Variants in NALCN observed in about 807,000 individuals in gnomAD.
The protein encoded by NALCN is sodium leak channel NALCN.
NALCN carries 111 observed loss-of-function variants against 225.3 expected under a neutral mutation model. That is an observed-to-expected ratio of 0.49 (90% CI 0.42 to 0.58). The LOEUF is 0.58. NALCN is among the 20% of genes least tolerant of loss of function. The pLI is 0.00. For synonymous variants in NALCN, 764 were observed against 769.0 expected (o/e 0.99, Z 0.11); for missense variants, 1,378 against 2,202.4 (o/e 0.63, Z 7.49).
At chr13:101,324,892 G>C (rs1173380741) in intron 7 of NALCN, among the ~76,000 whole-genome samples, 1 of 152,156 alleles carries the variant, frequency 6.6e-6, no homozygotes, top group Non-Finnish European at 1.5e-5. Context: ...TGCCCATTCA[G>C]TATGATATTG....
chr13:101,383,406 GAA>G (rs574510299), intron 3 of NALCN, among the ~76,000 whole-genome samples: 2 of 144,266 alleles, frequency 1.4e-5, no homozygotes, highest in Admixed American at 1.4e-4. Flanking sequence ...AGTTACATTA[GAA>G]AAAAAAAAAG....
intron 3 of NALCN, among the ~76,000 whole-genome samples, chr13:101,384,524 C>T (rs1260082983): frequency 5.9e-5 from 9 of 152,094 alleles, no homozygotes; most frequent in Admixed American, 5.9e-4. Flanking sequence ...TTCATGAGAA[C>T]AGGATTTATT....
chr13:101,095,744 G>A, intron 27 of NALCN, 64 bp from the exon 28 acceptor site: 1 of 1,333,938 alleles, frequency 7.5e-7, no homozygotes, highest in South Asian at 1.3e-5. Flanking sequence ...AAAAGATAAA[G>A]GATAGGAAAC....
At chr13:101,260,184 T>C (rs1239545675) in intron 10 of NALCN, among the ~76,000 whole-genome samples, 1 of 152,210 alleles carries the variant, frequency 6.6e-6, no homozygotes, top group African/African-American at 2.4e-5. Flanking sequence ...GTTCCATCCA[T>C]GTTGTTACAA....
At chr13:101,392,623 A>G (rs1566646110) in intron 3 of NALCN, among the ~76,000 whole-genome samples, 1 of 152,184 alleles carries the variant, frequency 6.6e-6, no homozygotes, top group Non-Finnish European at 1.5e-5. Context: ...TACCTCTACT[A>G]GTATTTAAAA....
chr13:101,172,565 G>T (rs1275246252), intron 15 of NALCN, among the ~76,000 whole-genome samples: 1 of 151,886 alleles, frequency 6.6e-6, no homozygotes, highest in African/African-American at 2.4e-5. Flanking sequence ...CCCATTTATT[G>T]TTATTATTAT....
chr13:101,139,512 A>G (rs2036963325), intron 17 of NALCN, among the ~76,000 whole-genome samples: 1 of 152,090 alleles, frequency 6.6e-6, no homozygotes, highest in South Asian at 2.1e-4. Context: ...TATGAGAATC[A>G]CCGATAAACC....
At chr13:101,204,769 A>G (rs966092277) in intron 13 of NALCN, among the ~76,000 whole-genome samples, 1 of 152,158 alleles carries the variant, frequency 6.6e-6, no homozygotes, top group Non-Finnish European at 1.5e-5. Context: ...ACCATAAATG[A>G]CAGCTGGACA....
chr13:101,058,437 T>TG, intron 42 of NALCN: 9 of 152,398 alleles, frequency 5.9e-5, no homozygotes, highest in South Asian at 3.5e-4. Flanking sequence ...CAGTCTACTG[T>TG]CACCAGCCTG....
chr13:101,354,122 T>C (rs1280955757), intron 6 of NALCN, among the ~76,000 whole-genome samples: 3 of 152,152 alleles, frequency 2.0e-5, no homozygotes, highest in Admixed American at 2.0e-4. Context: ...GGCGGGCGGA[T>C]CACCTAAGGT....
In NALCN at chr13:101,142,745, G is replaced by A. The variant is rs188195463; in HGVS notation, c.2118+335C>T. On this transcript the variant is annotated intron_variant, in intron 17 of 43. Coordinates refer to ENST00000251127, the MANE Select transcript of NALCN (RefSeq NM_052867.4). ...TAAGTAGACATAAGCAGTTGTACTT[G>A]CAGGAGATGGCAGGTCATTACACCT... is the stretch of plus-strand genomic sequence containing the variant. The A allele has an allele frequency of 9.0e-4, 289 of 319,380 alleles. 1 individual carries two copies. Among genetic ancestry groups the A allele is most frequent in the Non-Finnish European group, 1.0e-3 (171 of 164,386 alleles). 19.8% of individuals were successfully genotyped at this position (319,380 alleles called of 1,614,324 possible).
intron 12 of NALCN, among the ~76,000 whole-genome samples, chr13:101,230,761 T>C (rs2041312093): frequency 6.6e-6 from 1 of 152,186 alleles, no homozygotes; most frequent in South Asian, 2.1e-4. Context: ...AATAAACTTC[T>C]GTCTTATGTA....
chr13:101,320,133 T>C (rs2044694383), intron 7 of NALCN, among the ~76,000 whole-genome samples: 1 of 152,198 alleles, frequency 6.6e-6, no homozygotes, highest in South Asian at 2.1e-4. Flanking sequence ...TCATGATTAT[T>C]TAGTGTACTA....
chr13:101,109,378 C>G (rs1034283096), intron 20 of NALCN, among the ~76,000 whole-genome samples: 1 of 152,146 alleles, frequency 6.6e-6, no homozygotes, highest in African/African-American at 2.4e-5. Context: ...TTCTCATTGC[C>G]AACTTCTCGC....
rs2034984464 is a variant in NALCN at position 101,104,324 on chromosome 13, C to T, written c.2860G>A (p.Gly954Ser). 1 of 1,612,680 alleles carries T rather than the reference C, an allele frequency of 6.2e-7. No homozygotes were observed. Among genetic ancestry groups the T allele is most frequent in the Non-Finnish European group, 8.5e-7 (1 of 1,179,496 alleles). Reference sequence around the variant, plus strand: ...TATATAAATATGTCCATTACTCCACCGAAGTCCCTGATGACAGCAGTTGGA... The same window carrying T: ...TATATAAATATGTCCATTACTCCACTGAAGTCCCTGATGACAGCAGTTGGA... ...FTPTAVIRDF[G>S]GVMDIFIYLV... Residue 954 changes from glycine (G) to serine (S), a missense_variant, in exon 25 of 44, where the codon GGT (glycine) becomes AGT (serine). Gly to Ser is a moderately conservative substitution (Grantham distance 56). Coordinates refer to ENST00000251127, the MANE Select transcript of NALCN (RefSeq NM_052867.4). This position sits in a 1 kb window ranked among gnomAD's most constrained non-coding sequence, Gnocchi z 4.2.
At chr13:101,283,613 C>T (rs573116502) in intron 10 of NALCN, among the ~76,000 whole-genome samples, 55 of 152,250 alleles carry the variant, frequency 3.6e-4, no homozygotes, top group African/African-American at 1.3e-3. Flanking sequence ...AATGAATTTG[C>T]CCACTGCCAC....
In NALCN at chr13:101,120,377, T is replaced by C. The variant is rs138922650; in HGVS notation, c.2192+4231A>G. ...ATTTCAGGCACTTCCCACAAATTCATTTATCTGAACTATAGACTGCTGGGC... is the reference window on the plus strand; with the variant it reads ...ATTTCAGGCACTTCCCACAAATTCACTTATCTGAACTATAGACTGCTGGGC... On this transcript the variant is annotated intron_variant, in intron 18 of 43. Transcript: ENST00000251127. Among the ~76,000 whole-genome samples the C allele has an allele frequency of 1.4e-3, 219 of 152,236 alleles. 3 individuals are homozygous for C. Among genetic ancestry groups the C allele is most frequent in the African/African-American group, 4.9e-3 (205 of 41,556 alleles).
chr13:101,095,467 A>T lies in NALCN; in HGVS notation c.3269+107T>A, dbSNP rs569155673. On this transcript the variant is annotated intron_variant, in intron 28 of 43. Coordinates refer to ENST00000251127, the MANE Select transcript of NALCN (RefSeq NM_052867.4). The stretch of plus-strand genomic sequence containing the variant: ...CCCTGTATGACTTAAGATCATTTTA[A>T]CATCTCTAGCAAAACTACTTTTAGT... 2.6e-5 allele frequency: 22 copies of T among 830,218 alleles called. 1 individual carries two copies. In the East Asian group the frequency reaches 5.5e-4, roughly 21 times the overall value. The allele number at this position is 830,218 out of a possible 1,614,324, so 51.4% of individuals were successfully genotyped here.
chr13:101,111,259 A>G, intron 18 of NALCN, 33 bp from the exon 19 acceptor site: 2 of 1,558,048 alleles, frequency 1.3e-6, no homozygotes, highest in African/African-American at 1.3e-5. Flanking sequence ...AGATAAATGC[A>G]TGGTTTGTAC....
Sources: gnomAD v4.1 joint callset for allele counts (sites outside exome capture counted in the v4.1 genomes callset) on GRCh38, gnomAD v4.1.1 for gene constraint, Gnocchi (gnomAD v3.1) non-coding constraint, MANE v1.5 for transcripts, NCBI Gene and HGNC (gene_info 2026-07-23, HGNC 2026-07-21) for gene names.